Variants in CPXM2 observed in about 807,000 individuals in gnomAD.
CPXM2 encodes the protein carboxypeptidase X, M14 family member 2.
CPXM2 carries 66 observed loss-of-function variants against 86.1 expected under a neutral mutation model. That is an observed-to-expected ratio of 0.77 (90% confidence interval 0.63 to 0.94). The LOEUF is 0.94. Among genes scored for constraint, CPXM2 ranks in the 40% least tolerant of loss-of-function variants. The pLI is 0.00. For synonymous variants in CPXM2, 388 were observed against 400.2 expected (o/e 0.97, Z 0.36); for missense variants, 948 against 1,026.3 (o/e 0.92, Z 1.04).
At chr10:123,868,683 T>C (rs935739156) in intron 2 of CPXM2, among the ~76,000 whole-genome samples, 18 of 152,006 alleles carry the variant, frequency 1.2e-4, no homozygotes, top group Non-Finnish European at 8.8e-5. Context: ...ACAAGAGTAT[T>C]TGGAAAATGT....
chr10:123,761,809 G>A, intron 11 of CPXM2, 63 bp downstream of exon 11: 2 of 1,513,658 alleles, frequency 1.3e-6, no homozygotes, highest in Non-Finnish European at 1.8e-6. Context: ...AGGAGGGCCA[G>A]GAGGAGACCC....
chr10:123,933,633 G>T (rs936968831), intron 2 of CPXM2, among the ~76,000 whole-genome samples: 1 of 152,020 alleles, frequency 6.6e-6, no homozygotes, highest in Non-Finnish European at 1.5e-5. Context: ...CAGGAGATTC[G>T]CTTGAACCCG....
At chr10:123,808,866 A>G (rs961937893) in intron 4 of CPXM2, among the ~76,000 whole-genome samples, 1 of 152,192 alleles carries the variant, frequency 6.6e-6, no homozygotes, top group Non-Finnish European at 1.5e-5. Flanking sequence ...TACCTAGCAC[A>G]TCAGATGCCT....
At chr10:123,825,329 G>A (rs184474708) in intron 4 of CPXM2, among the ~76,000 whole-genome samples, 4 of 152,322 alleles carry the variant, frequency 2.6e-5, no homozygotes, top group Admixed American at 1.3e-4. Context: ...GCACGTTAAT[G>A]TTTGCACTAA....
upstream of CPXM2, among the ~76,000 whole-genome samples, chr10:123,894,298 G>T (rs913133604): frequency 6.6e-6 from 1 of 152,188 alleles, no homozygotes; most frequent in Non-Finnish European, 1.5e-5. Context: ...GTCCAGAGAA[G>T]GCCCTACCCA....
At chr10:123,793,306 T>C (rs1218978946) in intron 6 of CPXM2, among the ~76,000 whole-genome samples, 3 of 151,370 alleles carry the variant, frequency 2.0e-5, no homozygotes, top group Non-Finnish European at 4.4e-5. Context: ...CTACTAAAAA[T>C]ACAAAAAATT....
chr10:123,789,070 A>T (rs1255306237), intron 6 of CPXM2, among the ~76,000 whole-genome samples: 1 of 152,050 alleles, frequency 6.6e-6, no homozygotes, highest in East Asian at 1.9e-4. Context: ...CTGAACAAAG[A>T]TGGTGTGAGC....
rs1491345770 is a variant in CPXM2, at chr10:123,881,259, T to TC, written c.305-951_305-950insG. Among the ~76,000 whole-genome samples, 4 of 87,596 alleles carry TC rather than the reference T, an allele frequency of 4.6e-5. 1 individual carries two copies. Among genetic ancestry groups the TC allele is most frequent in the African/African-American group, 2.3e-4 (4 of 17,118 alleles). 57.5% of individuals were successfully genotyped at this position (87,596 alleles called of 152,430 possible). A position where few individuals can be genotyped will look rare whatever the true frequency, so the allele number is the denominator to read the frequency against. On this transcript the variant is annotated intron_variant, in intron 1 of 13. Transcript: ENST00000241305. Reference sequence around the variant, plus strand: ...TTCCCTTCCCTTCCCTTCCCTTCCCTTCCCTTTACGCTCAAGCTAATTAGC... The same window carrying TC: ...TTCCCTTCCCTTCCCTTCCCTTCCCTCTCCCTTTACGCTCAAGCTAATTAGC...
chr10:123,766,269 C>T (rs1846470319), intron 10 of CPXM2, among the ~76,000 whole-genome samples: 1 of 152,174 alleles, frequency 6.6e-6, no homozygotes, highest in South Asian at 2.1e-4. Flanking sequence ...TTGGCACGCC[C>T]TTGGCTGGCT....
rs78893950 is a variant in CPXM2, at chr10:123,901,890, G to A, written n.175-21581C>T. ...AGTTATATTGACCAATCAGAACTCA[G>A]CTGTGTCATCACTCGGAGGTAAGCG... On this transcript the variant is annotated intron_variant and non_coding_transcript_variant, in intron 2 of 19. Coordinates refer to the CPXM2 transcript ENST00000368854. 1.7e-3 allele frequency among the ~76,000 whole-genome samples: 266 copies of A among 152,280 alleles called. 1 individual carries two copies. Among genetic ancestry groups the A allele is most frequent in the Admixed American group, 3.1e-3 (48 of 15,292 alleles).
chr10:123,778,499 CA>C, intron 7 of CPXM2, among the ~76,000 whole-genome samples: 1 of 152,216 alleles, frequency 6.6e-6, no homozygotes, highest in African/African-American at 2.4e-5. Flanking sequence ...ACTGATTATC[CA>C]AAGGTCCCTC....
chr10:123,843,269 T>G (rs1026367211), intron 3 of CPXM2: 1 of 455,700 alleles, frequency 2.2e-6, no homozygotes, highest in African/African-American at 2.0e-5. Context: ...TCTTTTGATC[T>G]GAATTTCCAA....
intron 4 of CPXM2, among the ~76,000 whole-genome samples, chr10:123,806,564 TAAG>T (rs759164414): frequency 3.3e-5 from 5 of 152,156 alleles, no homozygotes; most frequent in Admixed American, 6.5e-5. Flanking sequence ...GCTTTGACAT[TAAG>T]AAGGCTGTAT....
chr10:123,923,561 A>G (rs1430090558), intron 2 of CPXM2, among the ~76,000 whole-genome samples: 1 of 151,568 alleles, frequency 6.6e-6, no homozygotes, highest in East Asian at 1.9e-4. Context: ...AGCCTGGGCG[A>G]CAGAGCGAGA....
chr10:123,804,916 C>T (rs1847546469), intron 4 of CPXM2, among the ~76,000 whole-genome samples: 1 of 152,060 alleles, frequency 6.6e-6, no homozygotes, highest in Admixed American at 6.6e-5. Flanking sequence ...ATGTTTGATG[C>T]TGCTGGCACT....
upstream of CPXM2, among the ~76,000 whole-genome samples, chr10:123,892,184 G>A (rs929790440): frequency 1.3e-5 from 2 of 152,212 alleles, no homozygotes; most frequent in African/African-American, 2.4e-5. Flanking sequence ...CTCAAACCGT[G>A]CCCCGTGTGC....
chr10:123,777,856 A>C (rs1276349411), intron 7 of CPXM2: 3 of 152,228 alleles, frequency 2.0e-5, no homozygotes, highest in African/African-American at 7.2e-5. Context: ...GTGTACACTT[A>C]TGGATGATAA....
At chr10:123,811,118 T>A (rs567829132) in intron 4 of CPXM2, among the ~76,000 whole-genome samples, 3 of 148,572 alleles carry the variant, frequency 2.0e-5, no homozygotes, top group African/African-American at 7.6e-5. Context: ...TACCTAACAT[T>A]TTTCACAAAA....
intron 3 of CPXM2, among the ~76,000 whole-genome samples, chr10:123,856,919 A>G (rs1182916387): frequency 6.6e-6 from 1 of 152,168 alleles, no homozygotes; most frequent in Non-Finnish European, 1.5e-5. Context: ...GGTCATTGTC[A>G]ATATGTTCTC....
Sources: gnomAD v4.1 joint callset for allele counts (sites outside exome capture counted in the v4.1 genomes callset) on GRCh38, gnomAD v4.1.1 for gene constraint, MANE v1.5 for transcripts, NCBI Gene and HGNC (gene_info 2026-07-23, HGNC 2026-07-21) for gene names.